The following ERBIN variants were observed in gnomAD, a reference collection of about 807,000 sequenced individuals.
ERBIN encodes the protein erbb2 interacting protein, also known as densin-180-like protein.
ERBIN carries 60 observed loss-of-function variants against 158.4 expected under a neutral mutation model. That is an observed-to-expected ratio of 0.38 (90% CI 0.31 to 0.47). The LOEUF is 0.47. ERBIN is among the 20% of genes least tolerant of loss of function. The probability of loss-of-function intolerance (pLI) is 0.99; values close to 1 mark genes in which losing one functional copy is unlikely to be tolerated. For missense variants in ERBIN, 1,610 were observed against 1,648.0 expected (o/e 0.98, Z 0.40); for synonymous variants, 594 against 557.2 (o/e 1.07, Z -0.93).
chr5:66,034,016 G>A, intron 14 of ERBIN, among the ~76,000 whole-genome samples: 1 of 151,872 alleles, frequency 6.6e-6, no homozygotes, highest in Non-Finnish European at 1.5e-5. Flanking sequence ...GGCTGAGACA[G>A]GAGAATTGAT....
intron 21 of ERBIN, among the ~76,000 whole-genome samples, chr5:66,058,122 A>G (rs1759819798): frequency 1.3e-5 from 2 of 151,982 alleles, no homozygotes. Context: ...TGACTTCCAC[A>G]ATGGTTGAAC....
intron 21 of ERBIN, among the ~76,000 whole-genome samples, chr5:66,066,359 A>T (rs6873242): frequency 0.06 from 9,102 of 152,048 alleles, 956 homozygotes; most frequent in African/African-American, 0.21. Context: ...TAAAAATTTT[A>T]CCCTGGGGGC....
chr5:66,072,366 T>C, intron 22 of ERBIN, 75 bp downstream of exon 22: 2 of 1,438,642 alleles, frequency 1.4e-6, no homozygotes. Context: ...AGATATTATA[T>C]GTGCTTTAGA....
intron 4 of ERBIN, among the ~76,000 whole-genome samples, chr5:65,996,257 T>TG (rs201347620): frequency 0.036 from 5,407 of 149,944 alleles, 308 homozygotes; most frequent in African/African-American, 0.13. Flanking sequence ...TTTTTTTTTT[T>TG]TTTTTTTTAA....
chr5:66,038,436 G>A lies in ERBIN; in HGVS notation c.1260G>A (p.Met420Ile), dbSNP rs1394982850. The A allele has an allele frequency of 6.2e-7, 1 of 1,612,148 alleles. No individual in the cohort carries two copies. Among genetic ancestry groups the A allele is most frequent in the Non-Finnish European group, 8.5e-7 (1 of 1,178,784 alleles). Reference sequence around the variant, plus strand: ...AAACTGATTCAGAGACCCAGAAAATGGTGCTTACCAACTACATGTTCCCTC... The same window carrying A: ...AAACTGATTCAGAGACCCAGAAAATAGTGCTTACCAACTACATGTTCCCTC... Reference protein sequence around the residue: ...QKETDSETQKMVLTNYMFPQQ... With the variant: ...QKETDSETQKIVLTNYMFPQQ... The change falls in exon 15 of 26, where the codon ATG becomes ATA. Residue 420 changes from methionine (M) to isoleucine (I), a missense_variant. Transcript: ENST00000284037.
intron 22 of ERBIN, among the ~76,000 whole-genome samples, chr5:66,073,821 A>C (rs1480313502): frequency 1.3e-5 from 2 of 152,150 alleles, no homozygotes; most frequent in Non-Finnish European, 2.9e-5. Flanking sequence ...TAGCTGAACC[A>C]TATTTTTCTA....
intron 8 of ERBIN, among the ~76,000 whole-genome samples, chr5:66,021,704 A>G (rs1426762095): frequency 6.6e-6 from 1 of 152,106 alleles, no homozygotes; most frequent in Non-Finnish European, 1.5e-5. Context: ...CAGCAGGTAA[A>G]AGTAGTTCTG....
chr5:66,077,625 G>A (rs1762109316), intron 25 of ERBIN, among the ~76,000 whole-genome samples: 1 of 151,848 alleles, frequency 6.6e-6, no homozygotes, highest in African/African-American at 2.4e-5. Flanking sequence ...ATAATTTTAA[G>A]CTTAGAAAAA....
chr5:66,011,806 A>G (rs1054069499), intron 4 of ERBIN, among the ~76,000 whole-genome samples: 27 of 152,240 alleles, frequency 1.8e-4, no homozygotes, highest in African/African-American at 6.5e-4. Flanking sequence ...ACTAATTTTC[A>G]GAAGGAAAGA....
intron 4 of ERBIN, among the ~76,000 whole-genome samples, chr5:66,009,959 A>G (rs1179238952): frequency 6.6e-6 from 1 of 152,226 alleles, no homozygotes; most frequent in Non-Finnish European, 1.5e-5. Context: ...AGTAGTCCGA[A>G]AAAGTGCCAG....
intron 21 of ERBIN, among the ~76,000 whole-genome samples, chr5:66,056,015 T>G (rs1759541206): frequency 6.6e-6 from 1 of 152,180 alleles, no homozygotes; most frequent in Non-Finnish European, 1.5e-5. Flanking sequence ...GTTGAGGCTA[T>G]TTGAACTTTT....
intron 1 of ERBIN, among the ~76,000 whole-genome samples, chr5:65,963,532 AGG>A: frequency 6.6e-6 from 1 of 151,976 alleles, no homozygotes; most frequent in East Asian, 2.0e-4. Flanking sequence ...CGGGAGGTGG[AGG>A]TTGCAGTGAG....
chr5:66,071,844 A>G (rs1177751679), intron 21 of ERBIN, among the ~76,000 whole-genome samples: 1 of 151,844 alleles, frequency 6.6e-6, no homozygotes, highest in Non-Finnish European at 1.5e-5. Context: ...GTTCAAAGGT[A>G]TTAAAAGCTA....
chr5:66,026,443 G>A, intron 13 of ERBIN, 26 bp downstream of exon 13: 1 of 1,288,464 alleles, frequency 7.8e-7, no homozygotes, highest in South Asian at 1.4e-5. Flanking sequence ...TTCATCAGTT[G>A]GTTTATAGGA....
intron 15 of ERBIN, among the ~76,000 whole-genome samples, chr5:66,041,393 C>G (rs1757905997): frequency 6.6e-6 from 1 of 151,886 alleles, no homozygotes. Context: ...GGCTTATCAT[C>G]CCACATTGAC....
chr5:65,995,806 A>G (rs2151058328), intron 4 of ERBIN, among the ~76,000 whole-genome samples: 1 of 152,194 alleles, frequency 6.6e-6, no homozygotes, highest in Non-Finnish European at 1.5e-5. Flanking sequence ...TACTCATTCT[A>G]GCAGGTGTGA....
chr5:66,077,037 T>C (rs2151311191), intron 25 of ERBIN, 88 bp downstream of exon 25: 1 of 1,024,968 alleles, frequency 9.8e-7, no homozygotes, highest in Non-Finnish European at 1.4e-6. Context: ...CTTTGAAAAT[T>C]GTGGGTGGGA....
rs1363121095 is a variant in ERBIN at position 65,991,898 on chromosome 5, T to C, written c.-9-812T>C. Among the ~76,000 whole-genome samples the C allele has an allele frequency of 4.6e-5, 7 of 152,140 alleles. No individual in the cohort carries two copies. The East Asian group carries it at 1.3e-3, about 29-fold the overall frequency. On this transcript the variant is annotated intron_variant, in intron 2 of 25. Transcript: ENST00000284037. Reference sequence around the variant, plus strand: ...AATATTTAATTGAAACAAAATATACTTGGGGTAGGTGGGAATTTTCATGTG... The same window carrying C: ...AATATTTAATTGAAACAAAATATACCTGGGGTAGGTGGGAATTTTCATGTG...
rs533894721 is a variant in ERBIN, at chr5:66,024,290, CT to C, written c.673-9del. Reference sequence around the variant, plus strand: ...AATGTTAATAGAGTCATTAGATTTTCTTTTTTTACTTATAGTTTATTGGTAG... The same window carrying C: ...AATGTTAATAGAGTCATTAGATTTTCTTTTTTACTTATAGTTTATTGGTAG... On this transcript the variant is annotated splice_polypyrimidine_tract_variant and intron_variant, in intron 9 of 25. Transcript: ENST00000284037. 1 of 1,444,416 alleles carries C rather than the reference CT, an allele frequency of 6.9e-7. No individual in the cohort carries two copies. The highest frequency in any genetic ancestry group is 9.4e-7 in the Non-Finnish European group (1 of 1,061,544). The allele number at this position is 1,444,416 out of a possible 1,614,324, so 89.5% of individuals were successfully genotyped here.
Sources: gnomAD v4.1 joint callset for allele counts (sites outside exome capture counted in the v4.1 genomes callset) on GRCh38, gnomAD v4.1.1 for gene constraint, MANE v1.5 for transcripts, NCBI Gene and HGNC (gene_info 2026-07-23, HGNC 2026-07-21) for gene names.